BPIFC: variants seen among roughly 807,000 people sequenced by gnomAD.
BPIFC encodes BPI fold containing family C, also known as BPI fold-containing family C protein.
A neutral mutation model predicts 57.6 loss-of-function variants in BPIFC; 60 were observed. The observed-to-expected ratio is 1.04, with a 90% CI of 0.85 to 1.29. The LOEUF (loss-of-function observed/expected upper bound fraction) is 1.29. Among genes scored for constraint, BPIFC ranks in the 50% most tolerant of loss-of-function variants. The pLI, the probability that BPIFC is intolerant of heterozygous loss-of-function variation, is 0.00. For missense variants in BPIFC, 581 were observed against 600.5 expected (o/e 0.97, Z 0.34); for synonymous variants, 243 against 224.5 (o/e 1.08, Z -0.74).
Position 32,461,553 on chromosome 22 carries a change from ACT to A in BPIFC, c.-1+19_-1+20del. 1.0e-6 allele frequency: 1 copy of A among 982,934 alleles called. No individual in the cohort carries two copies. The highest frequency in any genetic ancestry group is 1.7e-5 in the African/African-American group (1 of 57,210). 60.9% of individuals were successfully genotyped at this position (982,934 alleles called of 1,614,324 possible). A position where few individuals can be genotyped will look rare whatever the true frequency, so the allele number is the denominator to read the frequency against. ...AGAGTGACAGTAACAGCATCTTAAC[ACT>A]CTGAATGGATGCATGTACCTCCTGC... is the stretch of plus-strand genomic sequence containing the variant. On this transcript the variant is annotated intron_variant, in intron 2 of 16. Coordinates refer to ENST00000300399, the MANE Select transcript of BPIFC (RefSeq NM_174932.3).
chr22:32,432,675 A>C, intron 11 of BPIFC, 132 bp from the exon 12 acceptor site: 2 of 845,428 alleles, frequency 2.4e-6, no homozygotes, highest in Non-Finnish European at 3.6e-6. Context: ...CTCTTTAATA[A>C]TCATAATTAC....
chr22:32,456,182 G>C (rs1230839237), intron 3 of BPIFC, among the ~76,000 whole-genome samples: 2 of 152,216 alleles, frequency 1.3e-5, no homozygotes, highest in Non-Finnish European at 2.9e-5. Flanking sequence ...TTTCTGATAT[G>C]TATTTCTTTG....
Position 32,432,357 on chromosome 22 carries a change from G to C in BPIFC, c.1149+16C>G, listed in dbSNP as rs535592103. 8 of 1,613,240 alleles carry C rather than the reference G, an allele frequency of 5.0e-6. No individual in the cohort carries two copies. The highest frequency in any genetic ancestry group is 6.8e-6 in the Non-Finnish European group (8 of 1,179,760). ...ATTGGCATCTACAGGCTGCTCCACT[G>C]TCTCCCCAGACTTACGAAGTCCATG... On this transcript the variant is annotated intron_variant, in intron 12 of 16. Transcript: ENST00000300399.
At chr22:32,416,121 C>A (rs1341391155) in intron 15 of BPIFC, 130 bp from the exon 16 acceptor site, 33 of 559,968 alleles carry the variant, frequency 5.9e-5, no homozygotes, top group Non-Finnish European at 9.6e-5. Flanking sequence ...CTCTTGTTGC[C>A]CAGGCTGGAA....
chr22:32,434,644 C>G (rs545479522), intron 10 of BPIFC, among the ~76,000 whole-genome samples: 1 of 152,114 alleles, frequency 6.6e-6, no homozygotes, highest in Non-Finnish European at 1.5e-5. Flanking sequence ...TTAGGGATTA[C>G]TGAGATACTG....
intron 12 of BPIFC, 25 bp from the exon 13 acceptor site, chr22:32,431,439 A>ATTTATT: frequency 1.5e-6 from 2 of 1,343,066 alleles, no homozygotes; most frequent in South Asian, 1.2e-5. Context: ...AGCATTTATT[A>ATTTATT]TTAAGACGAG....
intron 4 of BPIFC, 60 bp from the exon 5 acceptor site, chr22:32,447,400 A>AGTC: frequency 1.9e-6 from 3 of 1,566,606 alleles, no homozygotes; most frequent in Non-Finnish European, 2.6e-6. Flanking sequence ...TCAGTCAAGC[A>AGTC]AACTTGGGAA....
In BPIFC at chr22:32,424,681, T is replaced by TTCC. The variant is rs1556036587; in HGVS notation, c.1218-5278_1218-5277insGGA. Among the ~76,000 whole-genome samples the TTCC allele has an allele frequency of 2.3e-4, 17 of 72,718 alleles. 1 individual carries two copies. The highest frequency in any genetic ancestry group is 1.4e-3 in the African/African-American group (12 of 8,790). 47.7% of individuals were successfully genotyped at this position (72,718 alleles called of 152,430 possible). A position where few individuals can be genotyped will look rare whatever the true frequency, so the allele number is the denominator to read the frequency against. ...CTTCTTCTTCTTCTTCTTCTTCTTC[T>TTCC]TCTTCTTCTTCCTCTTCTTCTTCCT... On this transcript the variant is annotated intron_variant, in intron 13 of 16. Transcript: ENST00000300399.
At chr22:32,433,102 C>A (rs917021871) in intron 11 of BPIFC, among the ~76,000 whole-genome samples, 10 of 152,268 alleles carry the variant, frequency 6.6e-5, no homozygotes, top group African/African-American at 2.4e-4. Context: ...ACTTGGGAGG[C>A]TGAGTTGGGA....
intron 4 of BPIFC, among the ~76,000 whole-genome samples, chr22:32,448,058 A>AT (rs1203828970): frequency 1.4e-5 from 2 of 147,352 alleles, no homozygotes; most frequent in East Asian, 2.0e-4. Context: ...CGGCCCAGCT[A>AT]TTTTTTTTCT....
chr22:32,462,794 T>C (rs1272194017), intron 1 of BPIFC, among the ~76,000 whole-genome samples: 1 of 152,234 alleles, frequency 6.6e-6, no homozygotes, highest in Non-Finnish European at 1.5e-5. Context: ...GAATTTTAAA[T>C]AGGAGTTGCT....
At chr22:32,447,481 G>A in intron 4 of BPIFC, 141 bp from the exon 5 acceptor site, 1 of 991,150 alleles carries the variant, frequency 1.0e-6, no homozygotes, top group East Asian at 2.9e-5. Flanking sequence ...CTGTCTGCAA[G>A]GCTGTCTCTG....
At chr22:32,449,159 C>T (rs1298190976) in intron 4 of BPIFC, among the ~76,000 whole-genome samples, 23 of 152,122 alleles carry the variant, frequency 1.5e-4, no homozygotes, top group Admixed American at 1.4e-3. Context: ...CTCAGTCTGA[C>T]TTCAGACTCT....
chr22:32,428,794 C>T (rs897041896), intron 13 of BPIFC, among the ~76,000 whole-genome samples: 2 of 151,710 alleles, frequency 1.3e-5, no homozygotes, highest in African/African-American at 4.8e-5. Context: ...AGCTACTTGG[C>T]GGGCTGAGGC....
rs1044400844 is a variant in BPIFC, at chr22:32,436,535, T to G, written c.748-655A>C. Among the ~76,000 whole-genome samples, 5 of 152,308 alleles carry G rather than the reference T, an allele frequency of 3.3e-5. 1 individual carries two copies. The highest frequency in any genetic ancestry group is 3.3e-4 in the Admixed American group (5 of 15,300). On this transcript the variant is annotated intron_variant, in intron 9 of 16. Coordinates refer to ENST00000300399, the MANE Select transcript of BPIFC (RefSeq NM_174932.3). ...GTAATGATGAAAAACTGTTAAGGCT[T>G]TCTGACTCCTTGACCAGTGACTATT...
At chr22:32,416,316 C>G (rs555977939) in intron 15 of BPIFC, among the ~76,000 whole-genome samples, 1 of 152,246 alleles carries the variant, frequency 6.6e-6, no homozygotes, top group South Asian at 2.1e-4. Context: ...CTCCTGACCT[C>G]AGGTGATTCG....
chr22:32,445,792 A>G, intron 6 of BPIFC, 49 bp downstream of exon 6: 2 of 1,592,494 alleles, frequency 1.3e-6, no homozygotes, highest in Non-Finnish European at 1.7e-6. Context: ...GCGATGCCTG[A>G]GTATCCAGCC....
At chr22:32,458,874 C>T (rs559748268) in intron 2 of BPIFC, among the ~76,000 whole-genome samples, 10 of 152,224 alleles carry the variant, frequency 6.6e-5, no homozygotes, top group South Asian at 2.1e-4. Flanking sequence ...AATAAACATT[C>T]TCTGCAAAGA....
chr22:32,451,015 C>A (rs5754093), intron 4 of BPIFC, among the ~76,000 whole-genome samples: 43,584 of 151,980 alleles, frequency 0.29, 6,738 homozygotes, highest in East Asian at 0.57. Flanking sequence ...TAATGAAAAT[C>A]AAATAAATAA....
Sources: gnomAD v4.1 joint callset for allele counts (sites outside exome capture counted in the v4.1 genomes callset) on GRCh38, gnomAD v4.1.1 for gene constraint, MANE v1.5 for transcripts, NCBI Gene and HGNC (gene_info 2026-07-23, HGNC 2026-07-21) for gene names.